The following LRRC28 variants were observed in gnomAD, a reference collection of about 807,000 sequenced individuals.
LRRC28 encodes leucine-rich repeat-containing protein 28.
A neutral mutation model predicts 45.7 loss-of-function variants in LRRC28; 39 were observed. The observed-to-expected ratio is 0.85, with a 90% CI of 0.66 to 1.12. The LOEUF (loss-of-function observed/expected upper bound fraction) is 1.12, where lower values mean the gene tolerates loss of function less well. Ranked by LOEUF, LRRC28 falls within the 50% of genes most tolerant of loss-of-function variation. The pLI is 0.00. For missense variants in LRRC28, 435 were observed against 438.5 expected (o/e 0.99, Z 0.07); for synonymous variants, 206 against 178.8 (o/e 1.15, Z -1.22).
chr15:99,276,403 T>G (rs1464190013), intron 2 of LRRC28, among the ~76,000 whole-genome samples, 173 bp from the exon 3 acceptor site: 1 of 152,102 alleles, frequency 6.6e-6, no homozygotes, highest in Non-Finnish European at 1.5e-5. Flanking sequence ...ATTTATAAAT[T>G]TAAATTGTAG....
chr15:99,264,385 G>A lies in LRRC28; in HGVS notation c.168+8260G>A, dbSNP rs898300189. Among the ~76,000 whole-genome samples, 20 of 152,290 alleles carry A rather than the reference G, an allele frequency of 1.3e-4. No individual in the cohort carries two copies. In the East Asian group the frequency reaches 3.5e-3, roughly 26 times the overall value. ...AGACACGTTAAGGCTCAGCAAAAGC[G>A]GGGAGTGGGGGGTGGAACTTGGAAC... On this transcript the variant is annotated intron_variant, in intron 2 of 9. Coordinates refer to ENST00000301981, the MANE Select transcript of LRRC28 (RefSeq NM_144598.5).
chr15:99,267,883 A>G (rs1193600172), intron 2 of LRRC28, among the ~76,000 whole-genome samples: 1 of 152,188 alleles, frequency 6.6e-6, no homozygotes, highest in Non-Finnish European at 1.5e-5. Context: ...TGTCATAATG[A>G]CTTTCATTTT....
chr15:99,296,514 A>G (rs1346438493), intron 5 of LRRC28, among the ~76,000 whole-genome samples: 2 of 152,220 alleles, frequency 1.3e-5, no homozygotes, highest in African/African-American at 4.8e-5. Flanking sequence ...TCAGTCTGGT[A>G]AAATAACTAG....
intron 6 of LRRC28, among the ~76,000 whole-genome samples, chr15:99,342,909 T>G (rs970129978): frequency 6.6e-6 from 1 of 152,216 alleles, no homozygotes; most frequent in Non-Finnish European, 1.5e-5. Context: ...ATGGAGTCTG[T>G]GTGTTTGTGT....
chr15:99,285,010 A>T (rs556734792), intron 3 of LRRC28: 18 of 645,592 alleles, frequency 2.8e-5, no homozygotes, highest in South Asian at 2.0e-4. Context: ...CTTTGGCTGG[A>T]TGAAGCACTA....
chr15:99,366,419 T>C (rs2152330022), intron 9 of LRRC28, among the ~76,000 whole-genome samples: 1 of 152,364 alleles, frequency 6.6e-6, no homozygotes, highest in Middle Eastern at 3.4e-3. Flanking sequence ...TGCAAGGACA[T>C]TGTTCCCAAA....
At chr15:99,381,249 C>G (rs763662159) in intron 9 of LRRC28, among the ~76,000 whole-genome samples, 1 of 152,104 alleles carries the variant, frequency 6.6e-6, no homozygotes, top group Non-Finnish European at 1.5e-5. Context: ...TCTTTTTTCT[C>G]TTAACTTCTC....
chr15:99,307,651 A>G (rs757416122), intron 5 of LRRC28, among the ~76,000 whole-genome samples: 1 of 152,114 alleles, frequency 6.6e-6, no homozygotes, highest in Non-Finnish European at 1.5e-5. Context: ...CTGCCTTCCC[A>G]GTTTATTTCT....
chr15:99,373,331 T>C (rs1475291094), intron 9 of LRRC28, among the ~76,000 whole-genome samples: 1 of 152,098 alleles, frequency 6.6e-6, no homozygotes, highest in Non-Finnish European at 1.5e-5. Context: ...ATAAAAATTA[T>C]TGGAACTAGG....
intron 9 of LRRC28, among the ~76,000 whole-genome samples, chr15:99,379,398 A>C (rs1205485909): frequency 1.3e-5 from 2 of 152,024 alleles, no homozygotes; most frequent in Non-Finnish European, 2.9e-5. Context: ...CCCCTTTATC[A>C]TTTTTTATTG....
At chr15:99,310,460 G>A (rs1955362622) in intron 5 of LRRC28, among the ~76,000 whole-genome samples, 1 of 152,160 alleles carries the variant, frequency 6.6e-6, no homozygotes, top group Admixed American at 6.5e-5. Flanking sequence ...GATAACACTA[G>A]AATCTACTAG....
intron 6 of LRRC28, among the ~76,000 whole-genome samples, chr15:99,340,569 CTG>C (rs1956473849): frequency 6.6e-6 from 1 of 152,202 alleles, no homozygotes; most frequent in South Asian, 2.1e-4. Flanking sequence ...CTGTACTGAA[CTG>C]TGAATGTATT....
intron 5 of LRRC28, 100 bp from the exon 6 acceptor site, chr15:99,333,823 G>T (rs1315258531): frequency 8.3e-7 from 1 of 1,209,582 alleles, no homozygotes; most frequent in Non-Finnish European, 1.2e-6. Context: ...AATAGTCGCA[G>T]CTACTGATTT....
intron 6 of LRRC28, among the ~76,000 whole-genome samples, chr15:99,342,515 A>T (rs1956549124): frequency 6.6e-6 from 1 of 152,204 alleles, no homozygotes; most frequent in Non-Finnish European, 1.5e-5. Context: ...TGAGAATAAG[A>T]TCCATAAAAC....
At chr15:99,361,226 T>C (rs905506695) in intron 7 of LRRC28, 110 bp from the exon 8 acceptor site, 37 of 1,296,798 alleles carry the variant, frequency 2.9e-5, no homozygotes, top group Admixed American at 1.4e-4. Flanking sequence ...ATTCTGGCAA[T>C]TCAGCAGTGT....
intron 5 of LRRC28, among the ~76,000 whole-genome samples, chr15:99,295,570 C>T (rs1597270255): frequency 6.6e-6 from 1 of 152,256 alleles, no homozygotes. Context: ...TTGTGAGTTG[C>T]TGTAAACACT....
At chr15:99,379,961 C>T (rs1957766941) in intron 9 of LRRC28, among the ~76,000 whole-genome samples, 1 of 152,182 alleles carries the variant, frequency 6.6e-6, no homozygotes, top group Non-Finnish European at 1.5e-5. Context: ...TTACTTCCAA[C>T]TATGTGGTCA....
intron 5 of LRRC28, among the ~76,000 whole-genome samples, chr15:99,296,177 C>G (rs1273069676): frequency 6.6e-6 from 1 of 152,192 alleles, no homozygotes; most frequent in African/African-American, 2.4e-5. Context: ...AGGTGCTGAT[C>G]CCACCTTGTA....
intron 6 of LRRC28, chr15:99,337,876 G>GGATGAT (rs747582309): frequency 2.0e-5 from 3 of 152,350 alleles, no homozygotes; most frequent in East Asian, 1.9e-4. Context: ...ACAAGCAAGA[G>GGATGAT]GATGATGATG....
Sources: gnomAD v4.1 joint callset for allele counts (sites outside exome capture counted in the v4.1 genomes callset) on GRCh38, gnomAD v4.1.1 for gene constraint, MANE v1.5 for transcripts, NCBI Gene and HGNC (gene_info 2026-07-23, HGNC 2026-07-21) for gene names.